DMD: variants seen among roughly 807,000 people sequenced by gnomAD.
DMD encodes mutant dystrophin.
DMD carries 63 observed loss-of-function variants against 330.1 expected under a neutral mutation model. The observed-to-expected ratio is 0.19, with a 90% CI of 0.16 to 0.24. DMD has a LOEUF of 0.24. Ranked by LOEUF, DMD falls within the 10% of genes least tolerant of loss-of-function variation. The probability of loss-of-function intolerance (pLI) is 1.00; values close to 1 mark genes in which losing one functional copy is unlikely to be tolerated. For synonymous variants in DMD, 1,223 were observed against 959.8 expected (o/e 1.27, Z -5.07); for missense variants, 3,344 against 2,684.1 (o/e 1.25, Z -5.43).
intron 42 of DMD, 67 bp from the exon 43 acceptor site, chrX:32,287,768 T>C: frequency 1.3e-6 from 1 of 755,380 alleles, no homozygotes; most frequent in Non-Finnish European, 1.9e-6. Flanking sequence ...GAAAAATATA[T>C]ATATATATAC....
chrX:32,236,481 C>T (rs1025519809), intron 43 of DMD, among the ~76,000 whole-genome samples: 3 of 111,848 alleles, frequency 2.7e-5, no homozygotes, highest in African/African-American at 9.8e-5. Flanking sequence ...TTGGCAGTGT[C>T]CCCACCCAAA....
chrX:32,065,403 T>C (rs73619024), intron 44 of DMD, among the ~76,000 whole-genome samples: 2,054 of 111,690 alleles, frequency 0.018, 47 homozygotes, highest in African/African-American at 0.062. Context: ...CCAAGATTAA[T>C]TGAAACTAGT....
At chrX:31,557,612 G>T (rs1245896096) in intron 55 of DMD, among the ~76,000 whole-genome samples, 2 of 111,975 alleles carry the variant, frequency 1.8e-5, no homozygotes, top group African/African-American at 6.5e-5. Flanking sequence ...TTAACACTTA[G>T]CAAGTGCTCA....
At chrX:33,108,773 G>A (rs2095313559) in intron 1 of DMD, among the ~76,000 whole-genome samples, 1 of 102,893 alleles carries the variant, frequency 9.7e-6, no homozygotes, top group Non-Finnish European at 2.0e-5. Flanking sequence ...GGCTGAGGCA[G>A]GAGAATTGCT....
At chrX:32,652,979 C>A (rs2060276015) in intron 9 of DMD, among the ~76,000 whole-genome samples, 1 of 111,929 alleles carries the variant, frequency 8.9e-6, no homozygotes, top group Admixed American at 9.5e-5. Flanking sequence ...AGTGTCTGTT[C>A]ATATCCTTTG....
At chrX:31,948,899 C>G (rs1439500645) in intron 45 of DMD, among the ~76,000 whole-genome samples, 2 of 110,267 alleles carry the variant, frequency 1.8e-5, no homozygotes, top group Non-Finnish European at 3.8e-5. Flanking sequence ...CTTCCATTGT[C>G]AACATTAGGA....
chrX:33,043,841 C>A (rs978503106), intron 1 of DMD, among the ~76,000 whole-genome samples: 3 of 99,934 alleles, frequency 3.0e-5, no homozygotes, highest in Admixed American at 1.1e-4. Flanking sequence ...CCCCTCCCCC[C>A]ACCCCACAAC....
intron 29 of DMD, among the ~76,000 whole-genome samples, chrX:32,424,345 T>A (rs774060791): frequency 9.0e-6 from 1 of 111,391 alleles, no homozygotes; most frequent in African/African-American, 3.3e-5. Flanking sequence ...CTAGAAGCTA[T>A]ATCCATTATT....
At chrX:31,582,381 T>A (rs147574944) in intron 55 of DMD, among the ~76,000 whole-genome samples, 1,767 of 111,028 alleles carry the variant, frequency 0.016, 24 homozygotes, top group Non-Finnish European at 0.027. Context: ...GTGGAAGAAA[T>A]GGGGCCTTGG....
At chrX:32,680,469 T>A (rs1480738436) in intron 9 of DMD, among the ~76,000 whole-genome samples, 2 of 111,123 alleles carry the variant, frequency 1.8e-5, no homozygotes, top group African/African-American at 6.6e-5. Context: ...AGGCTGTCTA[T>A]AAATCTTAAT....
chrX:32,629,111 G>A (rs1222536332), intron 11 of DMD, among the ~76,000 whole-genome samples: 1 of 111,505 alleles, frequency 9.0e-6, no homozygotes, highest in Non-Finnish European at 1.9e-5. Flanking sequence ...TGCTGAAAAT[G>A]GGGAATTGAA....
At chrX:32,907,968 GAC>G (rs1486606450) in intron 2 of DMD, among the ~76,000 whole-genome samples, 1 of 111,112 alleles carries the variant, frequency 9.0e-6, no homozygotes, top group Non-Finnish European at 1.9e-5. Flanking sequence ...ATCTACACAT[GAC>G]ACATCTCTTT....
intron 43 of DMD, among the ~76,000 whole-genome samples, chrX:32,248,916 A>G (rs2097252810): frequency 9.0e-6 from 1 of 111,573 alleles, no homozygotes; most frequent in African/African-American, 3.2e-5. Flanking sequence ...TCATTTTTAT[A>G]ATAGTATCAT....
chrX:32,584,793 A>C (rs1439034493), intron 13 of DMD, among the ~76,000 whole-genome samples: 1 of 111,997 alleles, frequency 8.9e-6, no homozygotes, highest in African/African-American at 3.2e-5. Context: ...ATAGGGCTTG[A>C]TGGAGGTTTC....
chrX:32,235,973 T>C (rs1303905220), intron 43 of DMD, among the ~76,000 whole-genome samples: 1 of 111,831 alleles, frequency 8.9e-6, no homozygotes. Flanking sequence ...AAGAATAATT[T>C]TTCTCTTTAT....
intron 43 of DMD, among the ~76,000 whole-genome samples, chrX:32,240,412 A>G (rs997692380): frequency 9.0e-6 from 1 of 111,259 alleles, no homozygotes; most frequent in Non-Finnish European, 1.9e-5. Context: ...CTGCCTTGTG[A>G]GGTTACAGTG....
chrX:32,832,111 T>A (rs1269295915), intron 4 of DMD, among the ~76,000 whole-genome samples: 1 of 111,625 alleles, frequency 9.0e-6, no homozygotes, highest in East Asian at 2.8e-4. Flanking sequence ...GGAGTCACTT[T>A]TGTTCCCTCA....
intron 1 of DMD, among the ~76,000 whole-genome samples, chrX:33,294,031 A>G (rs190063719): frequency 2.7e-5 from 3 of 111,355 alleles, no homozygotes; most frequent in African/African-American, 9.8e-5. Context: ...GCTGATAAGT[A>G]AAAAGAAGAA....
chrX:32,641,822 G>C lies in DMD; in HGVS notation c.1331+2310C>G, dbSNP rs187728890. Among the ~76,000 whole-genome samples, 494 of 110,661 alleles carry C rather than the reference G, an allele frequency of 4.5e-3. 1 individual carries two copies. The highest frequency in any genetic ancestry group is 6.4e-3 in the Non-Finnish European group (339 of 52,791). On this transcript the variant is annotated intron_variant, in intron 11 of 78. Coordinates refer to ENST00000357033, the MANE Select transcript of DMD (RefSeq NM_004006.3). ...TGTCTTAGGTAGAGAGAGAAAAGAA[G>C]TATCGATGAATCCATTTTTGTTTAC...
Sources: allele counts gnomAD v4.1 joint callset (sites outside exome capture counted in the v4.1 genomes callset), GRCh38; gene constraint gnomAD v4.1.1; transcripts MANE v1.5; gene names NCBI Gene and HGNC (gene_info 2026-07-23, HGNC 2026-07-21).